The following SMARCA4 variants were observed in gnomAD, a reference collection of about 807,000 sequenced individuals.
SMARCA4 encodes SWI/SNF related BAF chromatin remodeling complex subunit ATPase 4, also known as SWI/SNF-related matrix-associated actin-dependent regulator of chromatin subfamily A member 4.
Under a neutral mutation model 193.9 loss-of-function variants are expected in SMARCA4, and 31 were observed. The ratio of observed to expected loss-of-function variants is 0.16; its 90% CI spans 0.12 to 0.22. The LOEUF (loss-of-function observed/expected upper bound fraction) is 0.22. Ranked by LOEUF, SMARCA4 falls within the 10% of genes least tolerant of loss-of-function variation. The pLI, the probability that SMARCA4 is intolerant of heterozygous loss-of-function variation, is 1.00. For missense variants in SMARCA4, 1,148 were observed against 2,296.0 expected, an observed-to-expected ratio of 0.50 and a Z score of 10.22; for synonymous variants, 942 against 933.1, an observed-to-expected ratio of 1.01 and a Z score of -0.17.
chr19:10,961,480 C>G (rs950605297), intron 1 of SMARCA4: 3 of 152,050 alleles, frequency 2.0e-5, no homozygotes, highest in Non-Finnish European at 4.4e-5. Context: ...AGCTCGCCCC[C>G]CTCGCCCGGC....
intron 1 of SMARCA4, among the ~76,000 whole-genome samples, chr19:10,974,601 T>A (rs1197817099): frequency 1.4e-5 from 2 of 145,590 alleles, no homozygotes; most frequent in African/African-American, 5.0e-5. Flanking sequence ...AGAGAGCTAC[T>A]GGCTGTGCTG....
rs1600405314 is a variant in SMARCA4, at chr19:11,034,924, T to G, written c.3962T>G (p.Leu1321Arg). Residue 1321 changes from leucine to arginine, a missense_variant, in exon 29 of 35, where the codon CTG becomes CGG. Leu to Arg is a moderately radical substitution (Grantham distance 102, BLOSUM62 -2). This residue lies in a region of SMARCA4 where 84 missense variants were observed against 202.2 expected (regional missense o/e 0.42). Coordinates refer to ENST00000344626, the MANE Select transcript of SMARCA4 (RefSeq NM_003072.5). This position sits in a 1 kb window ranked among gnomAD's most constrained non-coding sequence, Gnocchi z 7.0. ...CTCCCTGCCCACCAGCGCATGGACC[T>G]GGACCGCAGGCGCGAGGAGGCCCGC... Reference protein sequence around the residue: ...EEFDLFMRMDLDRRREEARNP... With the variant: ...EEFDLFMRMDRDRRREEARNP... The G allele has an allele frequency of 6.4e-7, 1 of 1,567,474 alleles. No individual in the cohort carries two copies. Among genetic ancestry groups the G allele is most frequent in the Non-Finnish European group, 8.6e-7 (1 of 1,157,590 alleles).
rs553493958 is a variant in SMARCA4, at chr19:11,044,573, C to T, written c.4424+3013C>T. On this transcript the variant is annotated intron_variant, in intron 30 of 34. Coordinates refer to ENST00000344626, the MANE Select transcript of SMARCA4 (RefSeq NM_003072.5). ...AGCATCACAACTTCAAGAAAATGCT[C>T]GTTAAAACCAGAGTGACTTGCACCA... Among the ~76,000 whole-genome samples the T allele has an allele frequency of 8.5e-5, 13 of 152,262 alleles. No individual in the cohort carries two copies. The South Asian group carries it at 1.2e-3, about 15-fold the overall frequency.
intron 16 of SMARCA4, among the ~76,000 whole-genome samples, chr19:11,013,346 T>G (rs867940196): frequency 4.6e-5 from 7 of 152,370 alleles, no homozygotes; most frequent in South Asian, 2.1e-4. Flanking sequence ...CACATGGTCC[T>G]TCCTCTGTGC....
intron 13 of SMARCA4, among the ~76,000 whole-genome samples, chr19:11,006,959 C>A (rs190754213): frequency 6.6e-6 from 1 of 152,010 alleles, no homozygotes; most frequent in Non-Finnish European, 1.5e-5. Context: ...TCATAGTGCA[C>A]GCCTGTGGTC....
intron 23 of SMARCA4, 45 bp downstream of exon 23, chr19:11,026,391 A>T (rs1361461582): frequency 6.6e-7 from 1 of 1,517,368 alleles, no homozygotes; most frequent in Non-Finnish European, 9.2e-7. Flanking sequence ...TGGTCCACCC[A>T]GAGGTTTTCT....
chr19:11,014,592 C>T (rs769117079), intron 16 of SMARCA4, among the ~76,000 whole-genome samples: 7 of 152,274 alleles, frequency 4.6e-5, no homozygotes, highest in Admixed American at 2.6e-4. Flanking sequence ...CCTCCTGGCT[C>T]CCCTCTGCCC....
At chr19:10,991,022 G>A (rs551472050) in intron 7 of SMARCA4, 128 bp from the exon 8 acceptor site, 65 of 1,455,410 alleles carry the variant, frequency 4.5e-5, no homozygotes, top group Admixed American at 7.9e-5. Context: ...CTGCACACAC[G>A]GACTGGGTGT....
chr19:11,059,637 G>A (rs1351891094), intron 32 of SMARCA4, 116 bp from the exon 33 acceptor site: 4 of 1,185,794 alleles, frequency 3.4e-6, no homozygotes, highest in Non-Finnish European at 3.7e-6. Flanking sequence ...GCTCGCATTG[G>A]CCACTGATCA....
intron 29 of SMARCA4, 89 bp downstream of exon 29, chr19:11,035,221 G>GGC: frequency 7.7e-7 from 1 of 1,290,896 alleles, no homozygotes; most frequent in Non-Finnish European, 1.1e-6. Context: ...ACTCAGGCCT[G>GGC]GGTCCAAAAT....
chr19:11,000,316 C>T (rs2087512279), intron 11 of SMARCA4, among the ~76,000 whole-genome samples: 1 of 151,596 alleles, frequency 6.6e-6, no homozygotes, highest in East Asian at 1.9e-4. Flanking sequence ...GTGGGTGGAT[C>T]GCTTGAGCCC....
At position 11,042,700 on chromosome 19, in the gene SMARCA4, C is replaced by T. The variant is rs112479915; in HGVS notation, c.4424+1140C>T. Among the ~76,000 whole-genome samples the T allele has an allele frequency of 3.9e-3, 589 of 152,296 alleles. 4 individuals are homozygous for T. The highest frequency in any genetic ancestry group is 0.013 in the African/African-American group (536 of 41,550). On this transcript the variant is annotated intron_variant, in intron 30 of 34. Transcript: ENST00000344626. Reference sequence around the variant, plus strand: ...CTAAATTAATGAGTCAAAATTACCGCGCAAGGCCAGCTGTGGTGGTCCACA... The same window carrying T: ...CTAAATTAATGAGTCAAAATTACCGTGCAAGGCCAGCTGTGGTGGTCCACA...
rs1050237 is a variant in SMARCA4, at chr19:10,996,325, G to A, written c.1706G>A (p.Arg569Gln). ...GTGGCTAACCTCACGGAGCTGGTGC[G>A]GCAGCACAAGGCTGCCCAGGTCGCC... ...EYVANLTELV[R>Q]QHKAAQVAKE... The change falls in exon 10 of 35, where the codon CGG becomes CAG. Residue 569 changes from arginine to glutamine, a missense_variant. By Grantham distance (43) the Arg-to-Gln change is conservative (BLOSUM62 1). This residue lies in a region of SMARCA4 where 10 missense variants were observed against 89.9 expected (regional missense o/e 0.11). Transcript: ENST00000344626. 9.9e-6 allele frequency: 16 copies of A among 1,614,078 alleles called. No individual in the cohort carries two copies. The highest frequency in any genetic ancestry group is 1.7e-5 in the Admixed American group (1 of 60,006).
Position 10,996,400 on chromosome 19 carries a change from G to A in SMARCA4, c.1761+20G>A, listed in dbSNP as rs2145975587. Reference sequence around the variant, plus strand: ...AAGAAGGTGTGCTGGGCCTGGCATGGTGCCCGCCGCGGGTGGGATGGGAGC... The same window carrying A: ...AAGAAGGTGTGCTGGGCCTGGCATGATGCCCGCCGCGGGTGGGATGGGAGC... On this transcript the variant is annotated intron_variant, in intron 10 of 34. Coordinates refer to ENST00000344626, the MANE Select transcript of SMARCA4 (RefSeq NM_003072.5). 1 of 1,614,158 alleles carries A rather than the reference G, an allele frequency of 6.2e-7. No individual in the cohort carries two copies. The highest frequency in any genetic ancestry group is 8.5e-7 in the Non-Finnish European group (1 of 1,179,948).
chr19:10,968,516 A>G (rs1384364677), intron 1 of SMARCA4, among the ~76,000 whole-genome samples: 1 of 147,690 alleles, frequency 6.8e-6, no homozygotes, highest in Non-Finnish European at 1.5e-5. Context: ...TTTTCTTTCC[A>G]CTTTTTATTT....
intron 13 of SMARCA4, among the ~76,000 whole-genome samples, chr19:11,007,451 A>T (rs1245127382): frequency 6.6e-6 from 1 of 151,300 alleles, no homozygotes; most frequent in Non-Finnish European, 1.5e-5. Flanking sequence ...AAAAAAAAAA[A>T]AGATGTAGCC....
At chr19:11,055,301 T>A (rs985433253) in intron 30 of SMARCA4, among the ~76,000 whole-genome samples, 2 of 152,190 alleles carry the variant, frequency 1.3e-5, no homozygotes, top group Non-Finnish European at 2.9e-5. Flanking sequence ...GTGATTCTCC[T>A]GCCTCAGCCT....
At chr19:11,011,067 C>T (rs1388671964) in intron 15 of SMARCA4, 1 of 215,396 alleles carries the variant, frequency 4.6e-6, no homozygotes, top group Non-Finnish European at 9.5e-6. Flanking sequence ...GGCTCTGAAG[C>T]TCTTCACCTG....
chr19:10,981,776 G>A (rs2085569179), intron 1 of SMARCA4, among the ~76,000 whole-genome samples: 1 of 152,012 alleles, frequency 6.6e-6, no homozygotes, highest in East Asian at 1.9e-4. Flanking sequence ...GGATCAACAA[G>A]TGTTTGAGAC....
Sources: gnomAD v4.1 joint callset for allele counts (sites outside exome capture counted in the v4.1 genomes callset) on GRCh38, gnomAD v4.1.1 for gene constraint, gnomAD v4.1.1 regional missense constraint, Gnocchi (gnomAD v3.1) non-coding constraint, MANE v1.5 for transcripts, NCBI Gene and HGNC (gene_info 2026-07-23, HGNC 2026-07-21) for gene names.